Variants in BABAM2 observed in about 807,000 individuals in gnomAD.
The protein encoded by BABAM2 is BRISC and BRCA1 A complex member 2.
In BABAM2, 31 loss-of-function variants were observed where a neutral mutation model predicts 54.7. The ratio of observed to expected loss-of-function variants is 0.57; its 90% CI spans 0.43 to 0.77. The LOEUF (loss-of-function observed/expected upper bound fraction) is 0.77. BABAM2 is among the 30% of genes least tolerant of loss of function. BABAM2 has a pLI of 0.00. For missense variants in BABAM2, 364 were observed against 455.8 expected (o/e 0.80, Z 1.83); for synonymous variants, 167 against 162.9 (o/e 1.03, Z -0.19).
At chr2:28,281,051 T>G (rs1686313874) in intron 10 of BABAM2, among the ~76,000 whole-genome samples, 1 of 152,230 alleles carries the variant, frequency 6.6e-6, no homozygotes. Flanking sequence ...CTGATTTTTT[T>G]CATCTGTCCT....
intron 6 of BABAM2, among the ~76,000 whole-genome samples, chr2:28,054,331 T>A (rs143890337): frequency 6.6e-6 from 1 of 152,170 alleles, no homozygotes; most frequent in African/African-American, 2.4e-5. Context: ...CCTTCCTTCT[T>A]TTATTCCATC....
chr2:28,170,319 G>C (rs556215535), intron 7 of BABAM2, among the ~76,000 whole-genome samples: 1 of 152,058 alleles, frequency 6.6e-6, no homozygotes, highest in South Asian at 2.1e-4. Context: ...GTGTGATTAT[G>C]TATTGTTTTA....
intron 11 of BABAM2, among the ~76,000 whole-genome samples, chr2:28,306,382 T>C (rs1350282029): frequency 6.6e-6 from 1 of 152,204 alleles, no homozygotes; most frequent in Admixed American, 6.5e-5. Context: ...TAATTTTTAC[T>C]TTTTATATCT....
intron 3 of BABAM2, among the ~76,000 whole-genome samples, chr2:27,942,707 A>G (rs1279834692): frequency 2.0e-5 from 3 of 152,120 alleles, no homozygotes; most frequent in South Asian, 4.2e-4. Flanking sequence ...TAATTGTTTC[A>G]TAGCCTGCCT....
chr2:27,938,446 C>T (rs1198008643), intron 3 of BABAM2, among the ~76,000 whole-genome samples: 3 of 151,666 alleles, frequency 2.0e-5, no homozygotes, highest in African/African-American at 7.3e-5. Flanking sequence ...GGCTAGAATG[C>T]AGTGGCACGG....
chr2:28,186,721 A>C (rs1278823906), intron 7 of BABAM2, among the ~76,000 whole-genome samples: 6 of 152,176 alleles, frequency 3.9e-5, no homozygotes, highest in Non-Finnish European at 7.4e-5. Flanking sequence ...AAGGCAAGGC[A>C]ATTGAAACAG....
In BABAM2 at chr2:27,921,139, A is replaced by G. The variant is rs115290355; in HGVS notation, c.129-8693A>G. Among the ~76,000 whole-genome samples, 815 of 152,248 alleles carry G rather than the reference A, an allele frequency of 5.4e-3. 7 individuals carry two copies. The highest frequency in any genetic ancestry group is 0.018 in the African/African-American group (767 of 41,546). On this transcript the variant is annotated intron_variant, in intron 2 of 11. Transcript: ENST00000379624. The stretch of plus-strand genomic sequence containing the variant: ...ACCTTTCATTATTTACTTAAACTTT[A>G]TATATATAGTTTGCTAAATCAGTGA...
rs1459425912 is a variant in BABAM2 at position 28,026,891 on chromosome 2, TATATAA to T, written c.495+1477_495+1482del. 1.1e-3 allele frequency among the ~76,000 whole-genome samples: 31 copies of T among 28,518 alleles called. 1 individual carries two copies. Among genetic ancestry groups the T allele is most frequent in the Non-Finnish European group, 1.9e-3 (25 of 13,432 alleles). The allele number at this position is 28,518 out of a possible 152,430, so 18.7% of individuals were successfully genotyped here. On this transcript the variant is annotated intron_variant, in intron 5 of 11. Transcript: ENST00000379624. ...ATATATATTTATATATATATAGATA[TATATAA>T]ATATATATAAATATATATTAATATA...
At chr2:28,245,191 TCA>T (rs1682805225) in intron 10 of BABAM2, among the ~76,000 whole-genome samples, 2 of 151,808 alleles carry the variant, frequency 1.3e-5, no homozygotes, top group African/African-American at 2.4e-5. Context: ...TGACAGCCCC[TCA>T]CACACACACA....
intron 3 of BABAM2, among the ~76,000 whole-genome samples, chr2:27,983,693 C>T (rs567664042): frequency 6.6e-6 from 1 of 151,868 alleles, no homozygotes; most frequent in Non-Finnish European, 1.5e-5. Context: ...AAGTTTATTC[C>T]TAAGTATTTT....
intron 6 of BABAM2, among the ~76,000 whole-genome samples, chr2:28,112,109 CTT>C (rs1668090476): frequency 1.0e-4 from 1 of 9,710 alleles, no homozygotes; most frequent in Non-Finnish European, 2.0e-4. Context: ...TTCTTTCTTT[CTT>C]TCTTTCTTTC....
At chr2:28,254,247 CT>C (rs1245479259) in intron 10 of BABAM2, among the ~76,000 whole-genome samples, 10 of 152,168 alleles carry the variant, frequency 6.6e-5, no homozygotes, top group Non-Finnish European at 1.5e-4. Context: ...AGCAATTCTC[CT>C]GCCCCAGCCT....
chr2:28,261,979 A>G (rs941398779), intron 10 of BABAM2, among the ~76,000 whole-genome samples: 1 of 152,222 alleles, frequency 6.6e-6, no homozygotes, highest in Admixed American at 6.5e-5. Flanking sequence ...GAAAATGAAC[A>G]TATGAAAATA....
chr2:28,015,773 C>T, intron 4 of BABAM2: 1 of 1,103,808 alleles, frequency 9.1e-7, no homozygotes, highest in Non-Finnish European at 1.2e-6. Flanking sequence ...CTTGAACTAG[C>T]AGGCTTCTTT....
chr2:27,984,488 G>A (rs1672250627), intron 3 of BABAM2, among the ~76,000 whole-genome samples: 1 of 152,072 alleles, frequency 6.6e-6, no homozygotes, highest in Non-Finnish European at 1.5e-5. Flanking sequence ...GATGATGATA[G>A]TGGCTAGGGT....
At position 27,996,071 on chromosome 2, in the gene BABAM2, C is replaced by T. The variant is rs76029863; in HGVS notation, c.300+7984C>T. Among the ~76,000 whole-genome samples, 1,510 of 152,130 alleles carry T rather than the reference C, an allele frequency of 9.9e-3. 11 individuals are homozygous for T. The highest frequency in any genetic ancestry group is 0.027 in the South Asian group (131 of 4,818). ...GAGCTAATTTTAATATCTGGAATAT[C>T]CTTTGATTTTTCTGTGTGTGTTTCG... On this transcript the variant is annotated intron_variant, in intron 4 of 11. Coordinates refer to ENST00000379624, the MANE Select transcript of BABAM2 (RefSeq NM_199191.3).
intron 4 of BABAM2, among the ~76,000 whole-genome samples, chr2:27,999,460 A>G (rs1418231308): frequency 6.6e-6 from 1 of 152,188 alleles, no homozygotes; most frequent in African/African-American, 2.4e-5. Flanking sequence ...AGTAGTTTGC[A>G]TAGGCAAATA....
Position 28,177,087 on chromosome 2 carries a change from G to T in BABAM2, c.680+47707G>T, listed in dbSNP as rs533500539. Reference sequence around the variant, plus strand: ...TTCTCAAACAGATAAAATCCAAAAAGGTTCTTCCCTGCGGCACGTGATAGT... The same window carrying T: ...TTCTCAAACAGATAAAATCCAAAAATGTTCTTCCCTGCGGCACGTGATAGT... On this transcript the variant is annotated intron_variant, in intron 7 of 11. Coordinates refer to ENST00000379624, the MANE Select transcript of BABAM2 (RefSeq NM_199191.3). 2.8e-4 allele frequency among the ~76,000 whole-genome samples: 42 copies of T among 151,936 alleles called. 1 individual carries two copies. Among genetic ancestry groups the T allele is most frequent in the Admixed American group, 1.8e-3 (27 of 15,252 alleles).
At chr2:27,932,192 T>G (rs1668144445) in intron 3 of BABAM2, among the ~76,000 whole-genome samples, 1 of 152,156 alleles carries the variant, frequency 6.6e-6, no homozygotes, top group Admixed American at 6.6e-5. Context: ...TCTACCCTTC[T>G]GTTTTCCTTT....
Sources: allele counts gnomAD v4.1 joint callset (sites outside exome capture counted in the v4.1 genomes callset), GRCh38; gene constraint gnomAD v4.1.1; transcripts MANE v1.5; gene names NCBI Gene and HGNC (gene_info 2026-07-23, HGNC 2026-07-21).